PTN: variants seen among roughly 807,000 people sequenced by gnomAD.
PTN encodes pleiotrophin, also known as heparin affin regulatory protein.
Under a neutral mutation model 24.1 loss-of-function variants are expected in PTN, and 18 were observed. The observed-to-expected ratio is 0.75, with a 90% CI of 0.52 to 1.11. The LOEUF is 1.11. Among genes scored for constraint, PTN ranks in the 50% least tolerant of loss-of-function variants. The pLI, the probability that PTN is intolerant of heterozygous loss-of-function variation, is 0.00. For synonymous variants in PTN, 78 were observed against 68.6 expected (o/e 1.14, Z -0.67); for missense variants, 163 against 198.8 (o/e 0.82, Z 1.08).
intron 4 of PTN, among the ~76,000 whole-genome samples, chr7:137,245,161 A>T (rs1425009740): frequency 6.6e-6 from 1 of 152,240 alleles, no homozygotes; most frequent in African/African-American, 2.4e-5. Flanking sequence ...AAGTAAGCAA[A>T]GAAGTTCTCT....
At chr7:137,327,211 G>T (rs1810277435) in intron 1 of PTN, among the ~76,000 whole-genome samples, 1 of 152,122 alleles carries the variant, frequency 6.6e-6, no homozygotes, top group Admixed American at 6.6e-5. Flanking sequence ...CTTTAAAAAT[G>T]ATATTTTTAT....
At chr7:137,335,528 T>C (rs1363451255) in intron 1 of PTN, among the ~76,000 whole-genome samples, 1 of 152,220 alleles carries the variant, frequency 6.6e-6, no homozygotes, top group Non-Finnish European at 1.5e-5. Context: ...GCTATGGACA[T>C]CATGACTGGA....
chr7:137,324,924 G>A (rs148544393), intron 1 of PTN: 1 of 152,196 alleles, frequency 6.6e-6, no homozygotes, highest in Non-Finnish European at 1.5e-5. Context: ...CCAAAACAGA[G>A]TATGAATTGT....
chr7:137,296,117 C>G (rs1026204599), intron 1 of PTN, among the ~76,000 whole-genome samples: 1 of 152,046 alleles, frequency 6.6e-6, no homozygotes, highest in African/African-American at 2.4e-5. Flanking sequence ...ATCATCAGAT[C>G]TTGCTGAATC....
At chr7:137,262,674 C>T (rs1809063109) in intron 1 of PTN, among the ~76,000 whole-genome samples, 1 of 152,142 alleles carries the variant, frequency 6.6e-6, no homozygotes, top group South Asian at 2.1e-4. Context: ...AGGGGGTCCA[C>T]ATGAGAGGGT....
chr7:137,296,428 G>A (rs564515622), intron 1 of PTN, among the ~76,000 whole-genome samples: 5 of 152,104 alleles, frequency 3.3e-5, no homozygotes, highest in African/African-American at 4.8e-5. Context: ...GAGAGCTAAG[G>A]GAATGGGGAA....
intron 1 of PTN, among the ~76,000 whole-genome samples, chr7:137,297,187 A>AT (rs887629514): frequency 5.9e-5 from 9 of 151,980 alleles, no homozygotes; most frequent in Admixed American, 6.6e-5. Context: ...GTACATGATC[A>AT]TTTTTTTTCC....
At chr7:137,264,391 T>C (rs1409395611) in intron 1 of PTN, among the ~76,000 whole-genome samples, 5 of 152,162 alleles carry the variant, frequency 3.3e-5, no homozygotes, top group African/African-American at 7.2e-5. Flanking sequence ...ACTGTGCAAG[T>C]CCAAATTTTA....
chr7:137,234,848 C>A (rs576448940), intron 4 of PTN, among the ~76,000 whole-genome samples: 2 of 152,050 alleles, frequency 1.3e-5, no homozygotes, highest in Non-Finnish European at 2.9e-5. Context: ...TTGAGGGGAG[C>A]CCAGATTTTA....
At chr7:137,279,658 A>G (rs188035256) in intron 1 of PTN, among the ~76,000 whole-genome samples, 6 of 152,320 alleles carry the variant, frequency 3.9e-5, no homozygotes, top group Admixed American at 3.3e-4. Flanking sequence ...GATAGAAAAG[A>G]CTAAGCTTAT....
intron 1 of PTN, among the ~76,000 whole-genome samples, chr7:137,272,959 G>T (rs1390109621): frequency 6.6e-6 from 1 of 152,212 alleles, no homozygotes; most frequent in Non-Finnish European, 1.5e-5. Flanking sequence ...TTAGAATACT[G>T]TCTACTGATG....
intron 1 of PTN, among the ~76,000 whole-genome samples, chr7:137,283,780 T>C (rs1809509111): frequency 6.6e-6 from 1 of 152,078 alleles, no homozygotes; most frequent in Non-Finnish European, 1.5e-5. Flanking sequence ...ACGGTGATTC[T>C]GATCACTCAC....
rs181746261 is a variant in PTN, at chr7:137,321,887, G to T, written c.-2+21552C>A. ...ACTTAAAATAGCCCGTATGTGACTAGGATAAGTAAAAAAAAGTTTAATATT... is the reference window on the plus strand; with the variant it reads ...ACTTAAAATAGCCCGTATGTGACTATGATAAGTAAAAAAAAGTTTAATATT... On this transcript the variant is annotated intron_variant, in intron 1 of 4. Coordinates refer to ENST00000348225, the MANE Select transcript of PTN (RefSeq NM_002825.7). Among the ~76,000 whole-genome samples the T allele has an allele frequency of 2.0e-5, 3 of 152,080 alleles. No homozygotes were observed. The East Asian group carries it at 5.8e-4, about 29-fold the overall frequency.
At chr7:137,279,010 CATA>C (rs1458706049) in intron 1 of PTN, among the ~76,000 whole-genome samples, 1 of 149,596 alleles carries the variant, frequency 6.7e-6, no homozygotes, top group Non-Finnish European at 1.5e-5. Context: ...AATCCAGAAT[CATA>C]ATCTGAAATT....
intron 4 of PTN, among the ~76,000 whole-genome samples, chr7:137,230,785 G>A (rs1386928727): frequency 6.6e-6 from 1 of 151,810 alleles, no homozygotes; most frequent in Non-Finnish European, 1.5e-5. Context: ...GACCTAGAAA[G>A]AACGTGGTCC....
chr7:137,309,403 G>A (rs185017484), intron 1 of PTN, among the ~76,000 whole-genome samples: 57 of 152,264 alleles, frequency 3.7e-4, no homozygotes, highest in African/African-American at 1.3e-3. Flanking sequence ...AGGGCAGTTG[G>A]TTGCTGAAGT....
chr7:137,239,805 C>T lies in PTN; in HGVS notation c.451+11425G>A, dbSNP rs560252168. ...TAAGTTGTAGTATACGAAGAGTTTG[C>T]CTGTTAGGAGAGGGAAACATGCCCT... On this transcript the variant is annotated intron_variant, in intron 4 of 4. Transcript: ENST00000348225. Among the ~76,000 whole-genome samples, 7 of 152,136 alleles carry T rather than the reference C, an allele frequency of 4.6e-5. 1 individual carries two copies. The highest frequency in any genetic ancestry group is 2.0e-4 in the Admixed American group (3 of 15,278).
intron 1 of PTN, among the ~76,000 whole-genome samples, chr7:137,305,455 T>C (rs572007178): frequency 1.3e-5 from 2 of 152,190 alleles, no homozygotes; most frequent in South Asian, 2.1e-4. Context: ...AAGGACATCA[T>C]CTACACCATT....
chr7:137,324,786 T>TC (rs1380088894), intron 1 of PTN: 27 of 152,086 alleles, frequency 1.8e-4, no homozygotes, highest in Admixed American at 1.8e-3. Flanking sequence ...CTCCTTCTCA[T>TC]CCATGGAAAG....
Sources: gnomAD v4.1 joint callset for allele counts (sites outside exome capture counted in the v4.1 genomes callset) on GRCh38, gnomAD v4.1.1 for gene constraint, MANE v1.5 for transcripts, NCBI Gene and HGNC (gene_info 2026-07-23, HGNC 2026-07-21) for gene names.